FSD1L: variants seen among roughly 807,000 people sequenced by gnomAD.
FSD1L encodes the protein FSD1-like protein.
FSD1L carries 45 observed loss-of-function variants against 71.6 expected under a neutral mutation model. The observed-to-expected ratio is 0.63, with a 90% CI of 0.49 to 0.81. FSD1L has a LOEUF of 0.81. FSD1L is among the 30% of genes least tolerant of loss of function. The pLI is 0.00. For synonymous variants in FSD1L, 197 were observed against 207.2 expected, an observed-to-expected ratio of 0.95 and a Z score of 0.42; for missense variants, 561 against 618.1, an observed-to-expected ratio of 0.91 and a Z score of 0.98.
intron 7 of FSD1L, among the ~76,000 whole-genome samples, chr9:105,498,472 C>T (rs1833562946): frequency 6.6e-6 from 1 of 151,858 alleles, no homozygotes. Flanking sequence ...GTACTGAATA[C>T]TGTAAGCAGT....
chr9:105,537,745 A>G (rs975798836), intron 12 of FSD1L, among the ~76,000 whole-genome samples: 1 of 152,152 alleles, frequency 6.6e-6, no homozygotes, highest in Non-Finnish European at 1.5e-5. Flanking sequence ...TAGCAAGCAT[A>G]AGACTTTTCG....
Position 105,512,873 on chromosome 9 carries a change from A to T in FSD1L, c.962A>T (p.Glu321Val). The T allele has an allele frequency of 6.5e-7, 1 of 1,543,040 alleles. No homozygotes were observed. The highest frequency in any genetic ancestry group is 8.8e-7 in the Non-Finnish European group (1 of 1,142,560). ...LNLKVEDTCV[E>V]WDPTGGKGQE... is the part of the protein sequence containing the mutation. ...CTGAAAGTTGAAGATACATGTGTAGAGTGGGATCCTACTGGAGGAAAAGGT... is the reference window on the plus strand; with the variant it reads ...CTGAAAGTTGAAGATACATGTGTAGTGTGGGATCCTACTGGAGGAAAAGGT... The change falls in exon 10 of 14, where the codon GAG (glutamate) becomes GTG (valine). Residue 321 changes from glutamate to valine, a missense_variant. Around this residue, in one of 3 missense-constraint regions of FSD1L, gnomAD observed 410 missense variants for 413.5 expected, o/e 0.99. Transcript: ENST00000481272.
At chr9:105,495,441 C>A (rs1211625154) in intron 7 of FSD1L, among the ~76,000 whole-genome samples, 1 of 152,228 alleles carries the variant, frequency 6.6e-6, no homozygotes, top group Non-Finnish European at 1.5e-5. Context: ...CTCCCTGACC[C>A]CTTGCTCTTC....
At chr9:105,505,110 T>C (rs1833974271) in intron 7 of FSD1L, among the ~76,000 whole-genome samples, 1 of 152,238 alleles carries the variant, frequency 6.6e-6, no homozygotes, top group African/African-American at 2.4e-5. Context: ...AAATGTATAG[T>C]GTCTTATATC....
chr9:105,474,919 A>G (rs1249696024), intron 5 of FSD1L, among the ~76,000 whole-genome samples: 5 of 152,252 alleles, frequency 3.3e-5, no homozygotes, highest in Non-Finnish European at 7.3e-5. Context: ...AGATTTTAGA[A>G]CATACCTTCA....
chr9:105,481,183 CTTTTTTTTTTTT>C (rs1169730136), intron 6 of FSD1L, among the ~76,000 whole-genome samples: 1 of 28,772 alleles, frequency 3.5e-5, no homozygotes, highest in African/African-American at 1.3e-4. Context: ...GTGTGTGGTT[CTTTTTTTTTTTT>C]TTTTTTTTTG....
In FSD1L at chr9:105,448,124, G is replaced by C; in HGVS notation, c.-97G>C. On this transcript the variant is annotated 5_prime_UTR_variant, in exon 1 of 14. Transcript: ENST00000481272. ...GGCGGTGCCGGTGCGGGCTGGGGCA[G>C]TGCAGTGAGTAGCGGTCTTGGGGTG... 7.7e-7 allele frequency: 1 copy of C among 1,306,074 alleles called. No homozygotes were observed. The highest frequency in any genetic ancestry group is 1.1e-6 in the Non-Finnish European group (1 of 930,028). 80.9% of individuals were successfully genotyped at this position (1,306,074 alleles called of 1,614,324 possible).
chr9:105,479,250 G>C, intron 5 of FSD1L, 104 bp from the exon 6 acceptor site: 1 of 952,630 alleles, frequency 1.0e-6, no homozygotes, highest in Non-Finnish European at 1.6e-6. Context: ...GAACTAATCT[G>C]TTGCAGGGTT....
intron 1 of FSD1L, among the ~76,000 whole-genome samples, chr9:105,453,808 G>T (rs1830202594): frequency 6.6e-6 from 1 of 152,112 alleles, no homozygotes. Flanking sequence ...AACACATATT[G>T]AATGTTTGCT....
At chr9:105,478,698 A>G (rs531211084) in intron 5 of FSD1L, among the ~76,000 whole-genome samples, 45 of 152,246 alleles carry the variant, frequency 3.0e-4, no homozygotes, top group Admixed American at 6.5e-4. Flanking sequence ...TACCTTATAT[A>G]TAGGTTTAAG....
intron 1 of FSD1L, among the ~76,000 whole-genome samples, chr9:105,449,883 T>A (rs1230556867): frequency 6.6e-6 from 1 of 152,260 alleles, no homozygotes; most frequent in Admixed American, 6.5e-5. Context: ...GGTTACCACG[T>A]GCAGTTTCCT....
chr9:105,452,749 T>C lies in FSD1L; in HGVS notation c.15+4514T>C, dbSNP rs542885989. Reference sequence around the variant, plus strand: ...TTCTTTCCTCCTCTCCTCTCCTCTCTTTTTCTTTTCTTTTTTCTTTCTCAG... The same window carrying C: ...TTCTTTCCTCCTCTCCTCTCCTCTCCTTTTCTTTTCTTTTTTCTTTCTCAG... On this transcript the variant is annotated intron_variant, in intron 1 of 13. Coordinates refer to ENST00000481272, the MANE Select transcript of FSD1L (RefSeq NM_001145313.3). Among the ~76,000 whole-genome samples, 5 of 150,236 alleles carry C rather than the reference T, an allele frequency of 3.3e-5. No individual in the cohort carries two copies. In the South Asian group the frequency reaches 1.1e-3, roughly 32 times the overall value.
chr9:105,493,101 T>G (rs377741541), intron 7 of FSD1L, among the ~76,000 whole-genome samples: 23 of 151,594 alleles, frequency 1.5e-4, no homozygotes, highest in African/African-American at 2.9e-4. Context: ...ACAGTGGGGT[T>G]TTAAAGTCTC....
upstream of FSD1L, among the ~76,000 whole-genome samples, chr9:105,447,324 CAAA>C (rs35514046): frequency 0.017 from 1,031 of 61,392 alleles, 9 homozygotes; most frequent in African/African-American, 0.049. Flanking sequence ...ACTCCATCTC[CAAA>C]AAAAAAAAAA....
chr9:105,537,704 CAGT>C (rs1302937767), intron 12 of FSD1L, among the ~76,000 whole-genome samples: 1 of 151,992 alleles, frequency 6.6e-6, no homozygotes, highest in African/African-American at 2.4e-5. Context: ...ATTAGAGAGT[CAGT>C]GGTTAAAGAT....
In FSD1L at chr9:105,549,293, C is replaced by T. The variant is rs1255626570; in HGVS notation, c.*2810C>T. ...CAACGAGTTTTATTAAGCTGGATAT[C>T]GAAATGAAGGAGCTGCCTTAAGCAC... On this transcript the variant is annotated 3_prime_UTR_variant, in exon 14 of 14. Transcript: ENST00000481272. 1.3e-5 allele frequency: 2 copies of T among 151,900 alleles called. No homozygotes were observed. Among genetic ancestry groups the T allele is most frequent in the African/African-American group, 2.4e-5 (1 of 41,388 alleles). 9.4% of individuals were successfully genotyped at this position (151,900 alleles called of 1,614,324 possible).
At position 105,543,857 on chromosome 9, in the gene FSD1L, A is replaced by C. The variant is rs12341129; in HGVS notation, c.1468-2501A>C. Among the ~76,000 whole-genome samples, 1,190 of 152,276 alleles carry C rather than the reference A, an allele frequency of 7.8e-3. 9 individuals are homozygous for C. Among genetic ancestry groups the C allele is most frequent in the Non-Finnish European group, 0.014 (968 of 68,026 alleles). Reference sequence around the variant, plus strand: ...TTGATGGACATTTGGGTTGGTTCCAAGTCTTTGCTATTGTGAATAGTGCCG... The same window carrying C: ...TTGATGGACATTTGGGTTGGTTCCACGTCTTTGCTATTGTGAATAGTGCCG... On this transcript the variant is annotated intron_variant, in intron 13 of 13. Transcript: ENST00000481272.
Position 105,530,440 on chromosome 9 carries a change from C to G in FSD1L, c.1026-4053C>G, listed in dbSNP as rs1835818115. On this transcript the variant is annotated intron_variant, in intron 10 of 13. Coordinates refer to ENST00000481272, the MANE Select transcript of FSD1L (RefSeq NM_001145313.3). ...TTAACTTTTCTCTGAAATTAAACTG[C>G]CAATGTCAATAGTTATGTCTGTTTT... is the stretch of plus-strand genomic sequence containing the variant. The G allele has an allele frequency of 1.8e-5, 9 of 513,996 alleles. No individual in the cohort carries two copies. In the South Asian group the frequency reaches 2.4e-4, roughly 14 times the overall value. The allele number at this position is 513,996 out of a possible 1,614,324, so 31.8% of individuals were successfully genotyped here. A position where few individuals can be genotyped will look rare whatever the true frequency, so the allele number is the denominator to read the frequency against.
At chr9:105,470,683 T>G (rs1451730825) in intron 4 of FSD1L, among the ~76,000 whole-genome samples, 1 of 152,178 alleles carries the variant, frequency 6.6e-6, no homozygotes, top group Non-Finnish European at 1.5e-5. Flanking sequence ...AAGCACAATT[T>G]CCAAGGATCA....
Sources: gnomAD v4.1 joint callset for allele counts (sites outside exome capture counted in the v4.1 genomes callset) on GRCh38, gnomAD v4.1.1 for gene constraint, gnomAD v4.1.1 regional missense constraint, MANE v1.5 for transcripts, NCBI Gene and HGNC (gene_info 2026-07-23, HGNC 2026-07-21) for gene names.